Variants in SLC9D1 observed in about 807,000 individuals in gnomAD.
SLC9D1 encodes putative LAG1-interacting protein.
the SLC9D1 span, among the ~76,000 whole-genome samples, chr13:113,515,890 CAAAAAAAAA>C: frequency 1.3e-5 from 1 of 79,066 alleles, no homozygotes; most frequent in African/African-American, 4.9e-5. Flanking sequence ...GACTCCGTCC[CAAAAAAAAA>C]AAAAAAAAAA....
the SLC9D1 span, among the ~76,000 whole-genome samples, chr13:113,524,856 G>T: frequency 6.6e-6 from 1 of 151,958 alleles, no homozygotes; most frequent in Non-Finnish European, 1.5e-5. Flanking sequence ...ATTTTAATTG[G>T]TATGTTTAGA....
chr13:113,530,044 A>G, the SLC9D1 span: 1 of 152,266 alleles, frequency 6.6e-6, no homozygotes, highest in African/African-American at 2.4e-5. Flanking sequence ...TTCAGCCATA[A>G]TATAGAATGA....
At chr13:113,538,108 T>C in the SLC9D1 span, among the ~76,000 whole-genome samples, 2 of 147,166 alleles carry the variant, frequency 1.4e-5, no homozygotes, top group African/African-American at 2.5e-5. Flanking sequence ...CATGTGCATG[T>C]ATGTGTTTGT....
At chr13:113,542,857 G>A in the SLC9D1 span, among the ~76,000 whole-genome samples, 1 of 152,096 alleles carries the variant, frequency 6.6e-6, no homozygotes, top group Non-Finnish European at 1.5e-5. Flanking sequence ...ATAAATAGCC[G>A]AGGCAGTCCT....
At chr13:113,531,461 C>T in the SLC9D1 span, among the ~76,000 whole-genome samples, 151 of 152,184 alleles carry the variant, frequency 9.9e-4, no homozygotes, top group South Asian at 2.5e-3. Flanking sequence ...GGTGGCACGG[C>T]GCCCTGTACA....
At chr13:113,539,206 G>A in the SLC9D1 span, 3 of 663,694 alleles carry the variant, frequency 4.5e-6, no homozygotes, top group Non-Finnish European at 7.5e-6. This position sits in a 1 kb window ranked among gnomAD's most constrained non-coding sequence, Gnocchi z 4.8. Flanking sequence ...AGACCCAGCA[G>A]ACGACCCAGG....
chr13:113,496,175 C>T, the SLC9D1 span: 16 of 618,814 alleles, frequency 2.6e-5, no homozygotes, highest in East Asian at 1.1e-4. Context: ...CTGCTGATGT[C>T]GCTCAGGTGT....
At chr13:113,549,598 G>A in the SLC9D1 span, 3 of 1,608,362 alleles carry the variant, frequency 1.9e-6, no homozygotes, top group Non-Finnish European at 2.6e-6. Flanking sequence ...CGCTTAGATG[G>A]CCAGCAGCTG....
At chr13:113,548,285 A>G in the SLC9D1 span, 4 of 1,613,204 alleles carry the variant, frequency 2.5e-6, no homozygotes, top group East Asian at 2.2e-5. Context: ...GCAGTGACGT[A>G]ATGAACCGCT....
chr13:113,538,432 T>C, the SLC9D1 span, among the ~76,000 whole-genome samples: 1 of 152,244 alleles, frequency 6.6e-6, no homozygotes, highest in Non-Finnish European at 1.5e-5. Context: ...ATTCGTGCTC[T>C]TTCCAAATTC....
the SLC9D1 span, among the ~76,000 whole-genome samples, chr13:113,497,523 G>A: frequency 8.0e-6 from 1 of 125,054 alleles, no homozygotes; most frequent in African/African-American, 3.6e-5. Context: ...ACCTGCAGCT[G>A]TGTGTGAGAC....
At chr13:113,499,837 C>G in the SLC9D1 span, 4 of 511,952 alleles carry the variant, frequency 7.8e-6, no homozygotes, top group South Asian at 8.6e-5. Flanking sequence ...AAAAGAAGTC[C>G]TAATTCACTG....
the SLC9D1 span, chr13:113,550,064 T>A: frequency 5.6e-6 from 1 of 177,220 alleles, no homozygotes; most frequent in Non-Finnish European, 1.2e-5. Flanking sequence ...GGATGTCTAT[T>A]TGCCTTTTAT....
chr13:113,544,795 G>A, the SLC9D1 span, among the ~76,000 whole-genome samples: 4 of 152,226 alleles, frequency 2.6e-5, no homozygotes, highest in Admixed American at 6.5e-5. Context: ...AGTAGCTCCC[G>A]CAGACCCTGT....
the SLC9D1 span, among the ~76,000 whole-genome samples, chr13:113,517,057 T>G: frequency 1.3e-5 from 2 of 152,154 alleles, no homozygotes. Context: ...GGCTGGCTGG[T>G]TCACAAAGGA....
chr13:113,535,195 G>GA, the SLC9D1 span: 1 of 152,230 alleles, frequency 6.6e-6, no homozygotes, highest in Non-Finnish European at 1.5e-5. This position sits in a 1 kb window ranked among gnomAD's most constrained non-coding sequence, Gnocchi z 4.1. Context: ...ATTAAGTTTG[G>GA]AAAAACAGTT....
chr13:113,537,650 T>A, the SLC9D1 span, among the ~76,000 whole-genome samples: 9 of 152,342 alleles, frequency 5.9e-5, no homozygotes, highest in Middle Eastern at 6.8e-3. Context: ...ATCTTCTGTG[T>A]TCTGTGTGAA....
At chr13:113,531,681 G>T in the SLC9D1 span, among the ~76,000 whole-genome samples, 1 of 152,244 alleles carries the variant, frequency 6.6e-6, no homozygotes, top group Non-Finnish European at 1.5e-5. Flanking sequence ...CAGGTGACAC[G>T]GCGCCCCGTA....
At chr13:113,492,472 C>T in the SLC9D1 span, among the ~76,000 whole-genome samples, 9 of 152,186 alleles carry the variant, frequency 5.9e-5, no homozygotes, top group African/African-American at 2.2e-4. Flanking sequence ...ATCCCCTGAC[C>T]TGTTGAGATT....
Sources: allele counts gnomAD v4.1 joint callset (sites outside exome capture counted in the v4.1 genomes callset), GRCh38; gene constraint gnomAD v4.1.1; non-coding constraint Gnocchi (gnomAD v3.1); transcripts MANE v1.5; gene names NCBI Gene and HGNC (gene_info 2026-07-23, HGNC 2026-07-21).